The following LRRIQ4 variants were observed in gnomAD, a reference collection of about 807,000 sequenced individuals.
The protein encoded by LRRIQ4 is leucine rich repeats and IQ motif containing 4, also known as leucine-rich repeat and IQ domain-containing protein 4.
LRRIQ4 carries 21 observed loss-of-function variants against 40.1 expected under a neutral mutation model. The ratio of observed to expected loss-of-function variants is 0.52; its 90% CI spans 0.37 to 0.75. The LOEUF is 0.75. Ranked by LOEUF, LRRIQ4 falls within the 30% of genes least tolerant of loss-of-function variation. The pLI, the probability that LRRIQ4 is intolerant of heterozygous loss-of-function variation, is 0.00. For synonymous variants in LRRIQ4, 277 were observed against 277.1 expected (o/e 1.00, Z 0.00); for missense variants, 655 against 660.0 (o/e 0.99, Z 0.08).
chr3:169,831,258 A>ATTTT (rs1435211345), intron 4 of LRRIQ4, among the ~76,000 whole-genome samples: 1 of 52,200 alleles, frequency 1.9e-5, no homozygotes, highest in African/African-American at 7.7e-5. Flanking sequence ...AACTATGGCT[A>ATTTT]TTCTTTTTTT....
intron 2 of LRRIQ4, 29 bp downstream of exon 2, chr3:169,822,970 T>G: frequency 6.7e-7 from 1 of 1,487,094 alleles, no homozygotes. Flanking sequence ...GCTGTCACTA[T>G]GCTCTCATCC....
intron 1 of LRRIQ4, among the ~76,000 whole-genome samples, chr3:169,820,535 C>CTT (rs34109206): frequency 0.04 from 4,997 of 123,578 alleles, 133 homozygotes; most frequent in South Asian, 0.055. Context: ...ATATTGACAT[C>CTT]TTTTTTTTTT....
intron 2 of LRRIQ4, among the ~76,000 whole-genome samples, chr3:169,823,518 T>G (rs2108268467): frequency 6.6e-6 from 1 of 152,216 alleles, no homozygotes; most frequent in East Asian, 1.9e-4. Flanking sequence ...CAGCTAATTT[T>G]TGTATTTTTA....
Position 169,821,954 on chromosome 3 carries a change from A to G in LRRIQ4, c.33A>G (p.Ser11=). The change falls in exon 2 of 6, where the codon TCA becomes TCG. Residue 11 remains serine, a synonymous_variant. Coordinates refer to ENST00000340806, the MANE Select transcript of LRRIQ4 (RefSeq NM_001080460.3). MSKDIKSVEH[S]PKIHQRNDPQ... The stretch of plus-strand genomic sequence containing the variant: ...AAGACATAAAATCAGTAGAACATTC[A>G]CCTAAAATTCATCAGAGAAATGATC... The G allele has an allele frequency of 6.7e-7, 1 of 1,495,892 alleles. No homozygotes were observed. Among genetic ancestry groups the G allele is most frequent in the Non-Finnish European group, 8.9e-7 (1 of 1,126,284 alleles). 92.7% of individuals were successfully genotyped at this position (1,495,892 alleles called of 1,614,324 possible).
chr3:169,831,261 CTTTTTTTTTTTTTT>C (rs869088396), intron 4 of LRRIQ4, among the ~76,000 whole-genome samples: 4 of 33,458 alleles, frequency 1.2e-4, no homozygotes, highest in Admixed American at 3.5e-4. Context: ...TATGGCTATT[CTTTTTTTTTTTTTT>C]TTTTTTTTTT....
Position 169,822,260 on chromosome 3 carries a change from T to C in LRRIQ4, c.339T>C (p.Val113=). The C allele has an allele frequency of 4.3e-6, 7 of 1,610,334 alleles. No homozygotes were observed. The highest frequency in any genetic ancestry group is 5.9e-6 in the Non-Finnish European group (7 of 1,178,532). ...YNPIFSSSLV[V]VSFLHALREL... ...CCATCTTCTCCTCCTCCCTTGTCGT[T>C]GTCAGCTTCCTCCACGCCCTGCGCG... is the stretch of plus-strand genomic sequence containing the variant. The change falls in exon 2 of 6, where the codon GTT becomes GTC. Residue 113 remains valine, a synonymous_variant. Transcript: ENST00000340806.
intron 1 of LRRIQ4, among the ~76,000 whole-genome samples, chr3:169,817,970 C>T (rs1779800795): frequency 6.6e-6 from 1 of 152,188 alleles, no homozygotes; most frequent in Non-Finnish European, 1.5e-5. Flanking sequence ...ACCTAGACTG[C>T]CTTTCAAGTT....
rs757761419 is a variant in LRRIQ4 at position 169,822,309 on chromosome 3, C to A, written c.388C>A (p.Leu130Met). Residue 130 changes from leucine to methionine, a missense_variant, in exon 2 of 6, where the codon CTG (leucine) becomes ATG (methionine). Transcript: ENST00000340806. ...LRELRLYQTD[L>M]KEIPVVIFKN... ...CGAGCTCCGGCTCTACCAGACCGAC[C>A]TGAAGGAAATTCCCGTCGTCATCTT... 5.6e-6 allele frequency: 9 copies of A among 1,613,804 alleles called. No individual in the cohort carries two copies. Among genetic ancestry groups the A allele is most frequent in the Non-Finnish European group, 7.6e-6 (9 of 1,179,860 alleles).
At chr3:169,825,850 G>A (rs1329856402) in intron 2 of LRRIQ4, among the ~76,000 whole-genome samples, 2 of 152,164 alleles carry the variant, frequency 1.3e-5, no homozygotes, top group Admixed American at 1.3e-4. Context: ...TTTTGTGTGT[G>A]TGTGTGCATT....
chr3:169,833,041 T>G lies in LRRIQ4; in HGVS notation c.1388T>G (p.Leu463Trp), dbSNP rs1227784183. The G allele has an allele frequency of 6.2e-7, 1 of 1,613,848 alleles. No individual in the cohort carries two copies. The highest frequency in any genetic ancestry group is 1.1e-5 in the South Asian group (1 of 90,986). Reference sequence around the variant, plus strand: ...TTGCTCACCCATCTTCCAGAGAATTTGGATTCCCTAGTGAATCTTAAGGTT... The same window carrying G: ...TTGCTCACCCATCTTCCAGAGAATTGGGATTCCCTAGTGAATCTTAAGGTT... Reference protein sequence around the residue: ...DNLLTHLPENLDSLVNLKVLT... With the variant: ...DNLLTHLPENWDSLVNLKVLT... Residue 463 changes from leucine to tryptophan, a missense_variant, in exon 5 of 6, where the codon TTG becomes TGG. Physicochemically the swap from Leu to Trp is moderately conservative, Grantham distance 61 (BLOSUM62 -2). Transcript: ENST00000340806.
chr3:169,822,727 T>C lies in LRRIQ4; in HGVS notation c.806T>C (p.Leu269Pro). 4 of 1,613,942 alleles carry C rather than the reference T, an allele frequency of 2.5e-6. No individual in the cohort carries two copies. The South Asian group carries it at 3.3e-5, about 13-fold the overall frequency. The change falls in exon 2 of 6, where the codon CTG becomes CCG. Residue 269 changes from leucine to proline, a missense_variant. Physicochemically the swap from Leu to Pro is moderately conservative, Grantham distance 98. Transcript: ENST00000340806. ...GAAATCGGGCTGAGCGGGAACCGCC[T>C]GGAGAAGGTGCCACGCCTCATTTGC... ...MTEIGLSGNR[L>P]EKVPRLICRW...
chr3:169,827,435 G>A (rs532837044), intron 2 of LRRIQ4, among the ~76,000 whole-genome samples: 32 of 151,728 alleles, frequency 2.1e-4, no homozygotes, highest in Admixed American at 9.2e-4. Flanking sequence ...GTGAAACCCC[G>A]TCTCTACTAA....
chr3:169,825,066 G>C lies in LRRIQ4; in HGVS notation c.1020+2125G>C, dbSNP rs184961619. ...TCTGTTGCCCAGGCTGGAGTACAAT[G>C]GCGCCATCTCAGCTCACTGCAACCT... On this transcript the variant is annotated intron_variant, in intron 2 of 5. Coordinates refer to ENST00000340806, the MANE Select transcript of LRRIQ4 (RefSeq NM_001080460.3). Among the ~76,000 whole-genome samples, 728 of 145,112 alleles carry C rather than the reference G, an allele frequency of 5.0e-3. 3 individuals carry two copies. The highest frequency in any genetic ancestry group is 7.2e-3 in the Middle Eastern group (2 of 278).
intron 4 of LRRIQ4, among the ~76,000 whole-genome samples, chr3:169,831,854 C>G (rs1222915383): frequency 6.6e-6 from 1 of 151,628 alleles, no homozygotes; most frequent in African/African-American, 2.4e-5. Context: ...GTAATCCCAG[C>G]TACTTGGGAG....
At chr3:169,827,907 G>C (rs369103719) in intron 2 of LRRIQ4, among the ~76,000 whole-genome samples, 26 of 152,262 alleles carry the variant, frequency 1.7e-4, no homozygotes, top group African/African-American at 5.8e-4. Context: ...TGCCGACCCA[G>C]TTCCCACACA....
At chr3:169,830,950 T>G (rs1780157330) in intron 4 of LRRIQ4, among the ~76,000 whole-genome samples, 1 of 152,162 alleles carries the variant, frequency 6.6e-6, no homozygotes, top group Non-Finnish European at 1.5e-5. Flanking sequence ...ATGCCAGAAT[T>G]TGGAGTTGGG....
In LRRIQ4 at chr3:169,831,600, C is replaced by T. The variant is rs553717396; in HGVS notation, c.1333+970C>T. On this transcript the variant is annotated intron_variant, in intron 4 of 5. Coordinates refer to ENST00000340806, the MANE Select transcript of LRRIQ4 (RefSeq NM_001080460.3). ...TACAGGCGTGAGCCACCGTGCCTGG[C>T]CCAAACTATAGTTATTCTTTAATGA... 6.7e-5 allele frequency among the ~76,000 whole-genome samples: 10 copies of T among 149,272 alleles called. No individual in the cohort carries two copies. The South Asian group carries it at 1.7e-3, about 26-fold the overall frequency.
intron 1 of LRRIQ4, among the ~76,000 whole-genome samples, chr3:169,820,535 C>CTTTTTT (rs34109206): frequency 4.9e-5 from 6 of 123,600 alleles, no homozygotes; most frequent in African/African-American, 1.5e-4. Flanking sequence ...ATATTGACAT[C>CTTTTTT]TTTTTTTTTT....
chr3:169,832,799 A>G (rs144526085), intron 4 of LRRIQ4, among the ~76,000 whole-genome samples, 188 bp from the exon 5 acceptor site: 2 of 152,334 alleles, frequency 1.3e-5, no homozygotes, highest in East Asian at 1.9e-4. Flanking sequence ...TCATTTTGAG[A>G]AGGAGCAAAC....
Sources: gnomAD v4.1 joint callset for allele counts (sites outside exome capture counted in the v4.1 genomes callset) on GRCh38, gnomAD v4.1.1 for gene constraint, MANE v1.5 for transcripts, NCBI Gene and HGNC (gene_info 2026-07-23, HGNC 2026-07-21) for gene names.